Variants in GNB1L observed in about 807,000 individuals in gnomAD.
The protein encoded by GNB1L is G protein subunit beta 1 like, also known as guanine nucleotide-binding protein subunit beta-like protein 1.
A neutral mutation model predicts 29.1 loss-of-function variants in GNB1L; 20 were observed. The observed-to-expected ratio is 0.69, with a 90% CI of 0.48 to 1.00. GNB1L has a LOEUF of 1.00. Ranked by LOEUF, GNB1L falls within the 50% of genes least tolerant of loss-of-function variation. GNB1L has a pLI of 0.00. For synonymous variants in GNB1L, 193 were observed against 206.5 expected, an observed-to-expected ratio of 0.93 and a Z score of 0.56; for missense variants, 421 against 464.9, an observed-to-expected ratio of 0.91 and a Z score of 0.87.
intron 2 of GNB1L, among the ~76,000 whole-genome samples, chr22:19,842,379 G>A (rs568679891): frequency 1.2e-4 from 18 of 152,032 alleles, no homozygotes; most frequent in South Asian, 8.3e-4. Flanking sequence ...GGAGATCAGC[G>A]GGGAGTCAGT....
chr22:19,820,491 G>C, intron 4 of GNB1L, 107 bp downstream of exon 4: 1 of 1,266,882 alleles, frequency 7.9e-7, no homozygotes, highest in South Asian at 1.4e-5. Flanking sequence ...GCCCCTTCTG[G>C]TTCCCCCACC....
intron 2 of GNB1L, chr22:19,850,501 G>A: frequency 3.8e-6 from 4 of 1,045,202 alleles, no homozygotes; most frequent in Non-Finnish European, 4.6e-6. Flanking sequence ...GCGAATGCCT[G>A]CAGCTGAGCC....
At chr22:19,812,935 T>A (rs1937512047) in intron 4 of GNB1L, among the ~76,000 whole-genome samples, 1 of 152,008 alleles carries the variant, frequency 6.6e-6, no homozygotes, top group African/African-American at 2.4e-5. Context: ...TTCCAGTGGG[T>A]GAATTAGTTT....
intron 2 of GNB1L, among the ~76,000 whole-genome samples, chr22:19,825,826 T>C (rs982338139): frequency 2.6e-5 from 4 of 151,732 alleles, no homozygotes; most frequent in Non-Finnish European, 4.4e-5. Flanking sequence ...GGCATGGTGG[T>C]GGGTGCCTGT....
intron 7 of GNB1L, among the ~76,000 whole-genome samples, chr22:19,791,955 C>T (rs1175066799): frequency 6.6e-6 from 1 of 152,200 alleles, no homozygotes; most frequent in Non-Finnish European, 1.5e-5. Context: ...ATGAACTTTC[C>T]ACAGACCTGC....
At chr22:19,791,210 G>A (rs1937249931) in intron 7 of GNB1L, among the ~76,000 whole-genome samples, 2 of 152,230 alleles carry the variant, frequency 1.3e-5, no homozygotes, top group African/African-American at 4.8e-5. Context: ...TCCAGCCTGG[G>A]TGACAGAGCA....
chr22:19,805,846 A>G (rs564515871), intron 6 of GNB1L, among the ~76,000 whole-genome samples: 1 of 152,186 alleles, frequency 6.6e-6, no homozygotes, highest in Non-Finnish European at 1.5e-5. Flanking sequence ...GCCTGGGAAG[A>G]GTGCTGCTGG....
chr22:19,833,815 G>A (rs995859848), intron 2 of GNB1L, among the ~76,000 whole-genome samples: 13 of 151,718 alleles, frequency 8.6e-5, no homozygotes, highest in Non-Finnish European at 1.8e-4. Flanking sequence ...GCCGTGAGCC[G>A]ATATCATACC....
At chr22:19,809,034 G>T (rs1450264173) in intron 5 of GNB1L, among the ~76,000 whole-genome samples, 1 of 152,046 alleles carries the variant, frequency 6.6e-6, no homozygotes, top group Non-Finnish European at 1.5e-5. Flanking sequence ...CACCTGGCAA[G>T]GGCTCCACCC....
At position 19,788,847 on chromosome 22, in the gene GNB1L, C is replaced by T. The variant is rs1350348350; in HGVS notation, c.846G>A (p.Trp282Ter). Residue 282 changes from tryptophan (W) to a stop codon, truncating the protein, a stop_gained, in exon 8 of 8, where the codon TGG becomes TGA. Transcript: ENST00000329517. LOFTEE classifies it high-confidence loss of function. ...GCACGGCCAGTGGCTGCATCGTCCGCCAGTGGAACACGCGGATGCGGTGGT... is the reference window on the plus strand; with the variant it reads ...GCACGGCCAGTGGCTGCATCGTCCGTCAGTGGAACACGCGGATGCGGTGGT... Reference protein sequence around the residue: ...GWDHRIRVFHWRTMQPLAVLA... With the variant: ...GWDHRIRVFH The T allele has an allele frequency of 1.2e-6, 2 of 1,612,726 alleles. No homozygotes were observed. Among genetic ancestry groups the T allele is most frequent in the Non-Finnish European group, 1.7e-6 (2 of 1,179,958 alleles).
chr22:19,817,862 T>G (rs759081945), intron 4 of GNB1L, among the ~76,000 whole-genome samples: 1 of 152,218 alleles, frequency 6.6e-6, no homozygotes, highest in Non-Finnish European at 1.5e-5. Context: ...TGCACTCTTC[T>G]GTGAGTACAT....
At chr22:19,848,606 A>G in intron 2 of GNB1L, 1 of 985,494 alleles carries the variant, frequency 1.0e-6, no homozygotes, top group Non-Finnish European at 1.2e-6. Context: ...GGCAGAGCCC[A>G]ACCACAATAA....
intron 7 of GNB1L, among the ~76,000 whole-genome samples, chr22:19,801,258 A>AC (rs1159744076): frequency 6.6e-6 from 1 of 151,746 alleles, no homozygotes. Context: ...CTCCTTGTCC[A>AC]CCCCCCAGAA....
chr22:19,854,161 A>G (rs756072608), intron 2 of GNB1L, among the ~76,000 whole-genome samples: 1 of 151,952 alleles, frequency 6.6e-6, no homozygotes, highest in Non-Finnish European at 1.5e-5. Flanking sequence ...TTCTCCCCAC[A>G]CTGCCTGGCA....
chr22:19,820,134 G>T (rs1189021482), intron 4 of GNB1L, among the ~76,000 whole-genome samples: 1 of 152,142 alleles, frequency 6.6e-6, no homozygotes, highest in Non-Finnish European at 1.5e-5. Flanking sequence ...CACGGCCCAG[G>T]CAGGATGGGC....
chr22:19,840,390 G>A (rs1247535768), intron 2 of GNB1L, among the ~76,000 whole-genome samples: 2 of 152,190 alleles, frequency 1.3e-5, no homozygotes, highest in South Asian at 2.1e-4. Flanking sequence ...AGGAGAGTAC[G>A]GAAAGGAGAG....
In GNB1L at chr22:19,821,331, G is replaced by T; in HGVS notation, c.25C>A (p.Pro9Thr). The T allele has an allele frequency of 6.2e-7, 1 of 1,613,016 alleles. No individual in the cohort carries two copies. Among genetic ancestry groups the T allele is most frequent in the Non-Finnish European group, 8.5e-7 (1 of 1,179,748 alleles). MTAPCPPP[P>T]PDPQFVLRGT... ...CGGAGGACAAACTGGGGGTCTGGAG[G>T]TGGCGGCGGGCAGGGGGCCGTCATG... The change falls in exon 3 of 8, where the codon CCT becomes ACT. Residue 9 changes from proline (P) to threonine (T), a missense_variant. By Grantham distance (38) the Pro-to-Thr change is conservative. Transcript: ENST00000329517.
At chr22:19,840,063 C>CA (rs34717466) in intron 2 of GNB1L, among the ~76,000 whole-genome samples, 40,412 of 142,680 alleles carry the variant, frequency 0.28, 5,542 homozygotes, top group East Asian at 0.36. Context: ...GATCTTGCCT[C>CA]AAAAAAAAAA....
intron 2 of GNB1L, chr22:19,847,331 A>G: frequency 2.0e-6 from 2 of 985,468 alleles, no homozygotes; most frequent in Non-Finnish European, 2.4e-6. Context: ...CTGATCCTGC[A>G]GGGTAACAGC....
Sources: gnomAD v4.1 joint callset for allele counts (sites outside exome capture counted in the v4.1 genomes callset) on GRCh38, gnomAD v4.1.1 for gene constraint, MANE v1.5 for transcripts, NCBI Gene and HGNC (gene_info 2026-07-23, HGNC 2026-07-21) for gene names.